The following FMN1 variants were observed in gnomAD, a reference collection of about 807,000 sequenced individuals.
The protein encoded by FMN1 is formin 1.
A neutral mutation model predicts 132.4 loss-of-function variants in FMN1; 110 were observed. That is an observed-to-expected ratio of 0.83 (90% CI 0.71 to 0.97). FMN1 has a LOEUF of 0.97. FMN1 is among the 50% of genes least tolerant of loss of function. The pLI is 0.00. For missense variants in FMN1, 1,792 were observed against 1,705.3 expected, an observed-to-expected ratio of 1.05 and a Z score of -0.90; for synonymous variants, 722 against 651.7, an observed-to-expected ratio of 1.11 and a Z score of -1.64.
chr15:33,053,655 T>C (rs1272233383), intron 6 of FMN1, among the ~76,000 whole-genome samples: 2 of 152,110 alleles, frequency 1.3e-5, no homozygotes, highest in East Asian at 3.9e-4. Flanking sequence ...GATAATTTCC[T>C]GGAAAAGACT....
intron 9 of FMN1, 80 bp from the exon 10 acceptor site, chr15:32,926,341 A>G (rs562729461): frequency 1.4e-6 from 1 of 712,948 alleles, no homozygotes; most frequent in African/African-American, 1.8e-5. Context: ...AAAACATTAA[A>G]TTTTTTTAGA....
At chr15:32,975,117 G>GA (rs1393126656) in intron 7 of FMN1, among the ~76,000 whole-genome samples, 2 of 152,066 alleles carry the variant, frequency 1.3e-5, no homozygotes, top group Non-Finnish European at 2.9e-5. Flanking sequence ...TGAAAGCCCT[G>GA]AAAAAAATGA....
At chr15:33,016,018 G>C (rs1362261439) in intron 6 of FMN1, among the ~76,000 whole-genome samples, 1 of 152,108 alleles carries the variant, frequency 6.6e-6, no homozygotes, top group Non-Finnish European at 1.5e-5. Context: ...GAATCTCTGA[G>C]GCTACTTTAC....
intron 4 of FMN1, among the ~76,000 whole-genome samples, chr15:33,128,408 T>A (rs921523029): frequency 1.3e-5 from 2 of 152,200 alleles, no homozygotes; most frequent in Non-Finnish European, 2.9e-5. Flanking sequence ...CATTTGTTCA[T>A]CAACAAAATC....
At chr15:33,020,298 A>G (rs1202756036) in intron 6 of FMN1, among the ~76,000 whole-genome samples, 1 of 152,164 alleles carries the variant, frequency 6.6e-6, no homozygotes, top group Admixed American at 6.5e-5. Flanking sequence ...TGTCCACTAC[A>G]GAACTGACTG....
At chr15:32,804,936 G>A (rs1165734908) in intron 17 of FMN1, among the ~76,000 whole-genome samples, 1 of 152,086 alleles carries the variant, frequency 6.6e-6, no homozygotes, top group East Asian at 1.9e-4. Context: ...TTGGTTCCAA[G>A]TCTTTGCTAT....
intron 4 of FMN1, among the ~76,000 whole-genome samples, chr15:33,126,764 G>T (rs1243025921): frequency 6.6e-6 from 1 of 151,772 alleles, no homozygotes; most frequent in Non-Finnish European, 1.5e-5. Context: ...AGGGAAGACA[G>T]ATTACTGGAA....
intron 3 of FMN1, among the ~76,000 whole-genome samples, chr15:33,161,522 T>C (rs570946226): frequency 6.6e-6 from 1 of 152,300 alleles, no homozygotes; most frequent in African/African-American, 2.4e-5. Flanking sequence ...TAGATGGCTT[T>C]GAATTCTGCC....
At chr15:33,102,299 G>A (rs181125938) in intron 4 of FMN1, among the ~76,000 whole-genome samples, 2 of 152,238 alleles carry the variant, frequency 1.3e-5, no homozygotes, top group East Asian at 1.9e-4. Flanking sequence ...ATGAAAGAAG[G>A]AGCTATTGTT....
At chr15:32,897,323 G>A (rs1276702027) in intron 15 of FMN1, among the ~76,000 whole-genome samples, 1 of 152,094 alleles carries the variant, frequency 6.6e-6, no homozygotes, top group Admixed American at 6.5e-5. Context: ...AAAATTACGT[G>A]AATGTATTCA....
intron 6 of FMN1, among the ~76,000 whole-genome samples, chr15:33,060,602 A>G (rs187332073): frequency 2.9e-4 from 44 of 152,306 alleles, no homozygotes; most frequent in Non-Finnish European, 2.4e-4. Flanking sequence ...CTTACTTTCA[A>G]TAACTACAAT....
intron 17 of FMN1, among the ~76,000 whole-genome samples, chr15:32,847,630 G>A (rs1249069490): frequency 4.6e-5 from 7 of 152,242 alleles, no homozygotes; most frequent in East Asian, 1.9e-4. Flanking sequence ...CGAGGTGGGC[G>A]GATCACAAGG....
At chr15:33,023,056 A>C (rs1809182) in intron 6 of FMN1, among the ~76,000 whole-genome samples, 54 of 55,912 alleles carry the variant, frequency 9.7e-4, no homozygotes, top group African/African-American at 1.5e-3. Flanking sequence ...CCCCTCCCCC[A>C]CCCAAAAAAA....
chr15:32,931,743 T>C (rs920905531), intron 9 of FMN1, among the ~76,000 whole-genome samples: 1 of 152,244 alleles, frequency 6.6e-6, no homozygotes, highest in Non-Finnish European at 1.5e-5. Context: ...TTGAATAAAG[T>C]AGCATGAATG....
At chr15:32,924,056 T>C (rs2060898063) in intron 10 of FMN1, among the ~76,000 whole-genome samples, 1 of 152,120 alleles carries the variant, frequency 6.6e-6, no homozygotes, top group African/African-American at 2.4e-5. Flanking sequence ...CTGAAAACAT[T>C]TGTTTTTGTT....
chr15:32,888,534 T>C lies in FMN1; in HGVS notation c.3715-242A>G, dbSNP rs905570141. On this transcript the variant is annotated intron_variant, in intron 15 of 20. Transcript: ENST00000616417. Reference sequence around the variant, plus strand: ...GGCTATGGCATGGGCCAGGTTCTATTTTGCCTCATGAATCAAAGAGAAAAT... The same window carrying C: ...GGCTATGGCATGGGCCAGGTTCTATCTTGCCTCATGAATCAAAGAGAAAAT... 2.0e-5 allele frequency among the ~76,000 whole-genome samples: 3 copies of C among 152,236 alleles called. No individual in the cohort carries two copies. The East Asian group carries it at 5.8e-4, about 29-fold the overall frequency.
At chr15:33,136,867 C>G (rs1963787910) in intron 4 of FMN1, among the ~76,000 whole-genome samples, 1 of 152,036 alleles carries the variant, frequency 6.6e-6, no homozygotes, top group South Asian at 2.1e-4. Flanking sequence ...GCAGGCAGAT[C>G]ACCTGAGATC....
intron 4 of FMN1, among the ~76,000 whole-genome samples, chr15:33,130,767 C>G (rs1963507422): frequency 6.6e-6 from 1 of 152,176 alleles, no homozygotes; most frequent in African/African-American, 2.4e-5. Flanking sequence ...AGTCAAAACA[C>G]TTACATTTGC....
At chr15:33,072,084 A>C (rs1442756693) in intron 5 of FMN1, among the ~76,000 whole-genome samples, 1 of 152,102 alleles carries the variant, frequency 6.6e-6, no homozygotes, top group African/African-American at 2.4e-5. Flanking sequence ...ACAAACAAAC[A>C]AACAAAAAAA....
Sources: allele counts gnomAD v4.1 joint callset (sites outside exome capture counted in the v4.1 genomes callset), GRCh38; gene constraint gnomAD v4.1.1; transcripts MANE v1.5; gene names NCBI Gene and HGNC (gene_info 2026-07-23, HGNC 2026-07-21).